The following RAPGEF2 variants were observed in gnomAD, a reference collection of about 807,000 sequenced individuals.
The protein encoded by RAPGEF2 is Rap guanine nucleotide exchange factor 2.
RAPGEF2 carries 54 observed loss-of-function variants against 186.7 expected under a neutral mutation model. The ratio of observed to expected loss-of-function variants is 0.29; its 90% CI spans 0.23 to 0.36. The LOEUF is 0.36. Ranked by LOEUF, RAPGEF2 falls within the 10% of genes least tolerant of loss-of-function variation. The probability of loss-of-function intolerance (pLI) is 1.00; values close to 1 mark genes in which losing one functional copy is unlikely to be tolerated. For missense variants in RAPGEF2, 1,532 were observed against 2,045.0 expected, an observed-to-expected ratio of 0.75 and a Z score of 4.84; for synonymous variants, 712 against 705.9, an observed-to-expected ratio of 1.01 and a Z score of -0.14.
chr4:159,118,890 A>G (rs1739356612), intron 1 of RAPGEF2, among the ~76,000 whole-genome samples: 3 of 152,112 alleles, frequency 2.0e-5, no homozygotes. Flanking sequence ...CGGCCCTATT[A>G]AAGTTCTTAA....
chr4:159,325,481 T>C (rs1486294249), intron 11 of RAPGEF2, among the ~76,000 whole-genome samples: 1 of 152,132 alleles, frequency 6.6e-6, no homozygotes, highest in Non-Finnish European at 1.5e-5. Context: ...AGCTAGCAAA[T>C]TGTTAAAGCC....
chr4:159,198,725 C>T (rs1433979683), intron 3 of RAPGEF2, among the ~76,000 whole-genome samples: 3 of 151,924 alleles, frequency 2.0e-5, no homozygotes, highest in African/African-American at 4.8e-5. Context: ...GGATTACAGG[C>T]GTGAGCCACT....
At chr4:159,310,988 A>ATTTTTTTTTTTTTTTTTTT (rs112605768) in intron 8 of RAPGEF2, among the ~76,000 whole-genome samples, 3 of 151,400 alleles carry the variant, frequency 2.0e-5, no homozygotes, top group African/African-American at 7.3e-5. Context: ...TTATATTTCA[A>ATTTTTTTTTTTTTTTTTTT]TTTTTTTTTA....
intron 3 of RAPGEF2, among the ~76,000 whole-genome samples, chr4:159,209,609 T>G (rs569675204): frequency 2.0e-5 from 3 of 152,362 alleles, no homozygotes; most frequent in Non-Finnish European, 4.4e-5. Flanking sequence ...CAGAAAAGCC[T>G]TCCACATAAA....
chr4:159,169,138 G>T lies in RAPGEF2; in HGVS notation c.70-17504G>T, dbSNP rs529271111. ...AATACTTTGAATTGACCAGTGAACT[G>T]CAAATGAAGGGAAAGGATAACATCT... On this transcript the variant is annotated intron_variant, in intron 1 of 29. Transcript: ENST00000691494. Among the ~76,000 whole-genome samples the T allele has an allele frequency of 3.9e-5, 6 of 152,124 alleles. No individual in the cohort carries two copies. The South Asian group carries it at 1.2e-3, about 32-fold the overall frequency.
intron 1 of RAPGEF2, among the ~76,000 whole-genome samples, chr4:159,138,070 A>G (rs544084449): frequency 2.0e-5 from 3 of 152,320 alleles, no homozygotes; most frequent in Admixed American, 1.3e-4. Flanking sequence ...GTTAATGAAT[A>G]TGGTTTAATT....
intron 11 of RAPGEF2, among the ~76,000 whole-genome samples, chr4:159,324,220 G>T (rs554312859): frequency 3.7e-4 from 56 of 151,400 alleles, no homozygotes; most frequent in Non-Finnish European, 4.3e-4. Flanking sequence ...TAGAGACGGG[G>T]TCTTGCCGTG....
intron 16 of RAPGEF2, 31 bp from the exon 17 acceptor site, chr4:159,332,420 T>A: frequency 6.3e-7 from 1 of 1,591,410 alleles, no homozygotes; most frequent in Non-Finnish European, 8.6e-7. Flanking sequence ...TAATTGCCAT[T>A]ACGTGGTGTT....
chr4:159,298,830 C>T (rs1183872057), intron 7 of RAPGEF2, among the ~76,000 whole-genome samples: 2 of 152,174 alleles, frequency 1.3e-5, no homozygotes, highest in African/African-American at 4.8e-5. Flanking sequence ...CTTGCAGAGT[C>T]TGGTCCGTGA....
At chr4:159,209,199 A>G (rs1380106682) in intron 3 of RAPGEF2, among the ~76,000 whole-genome samples, 1 of 151,916 alleles carries the variant, frequency 6.6e-6, no homozygotes, top group East Asian at 1.9e-4. Flanking sequence ...GCCAAAAAAA[A>G]AAAAAAAAAA....
chr4:159,115,436 A>G (rs575063549), intron 1 of RAPGEF2, among the ~76,000 whole-genome samples: 3 of 152,324 alleles, frequency 2.0e-5, no homozygotes, highest in South Asian at 4.1e-4. Context: ...GAAGTAACTA[A>G]TTGTATAAAA....
chr4:159,150,602 A>G lies in RAPGEF2; in HGVS notation c.70-36040A>G, dbSNP rs144196516. Among the ~76,000 whole-genome samples the G allele has an allele frequency of 4.8e-3, 733 of 152,326 alleles. 7 individuals are homozygous for G. The highest frequency in any genetic ancestry group is 0.016 in the African/African-American group (671 of 41,568). ...CCATGAAGAGAAACTTGTTTACTGT[A>G]TAAGAATTGAAACAGGAAGGCAGAG... On this transcript the variant is annotated intron_variant, in intron 1 of 29. Transcript: ENST00000691494.
Position 159,332,008 on chromosome 4 carries a change from C to G in RAPGEF2, c.1862C>G (p.Ser621Cys). 6.2e-7 allele frequency: 1 copy of G among 1,602,250 alleles called. No homozygotes were observed. Among genetic ancestry groups the G allele is most frequent in the Non-Finnish European group, 8.5e-7 (1 of 1,175,708 alleles). Residue 621 changes from serine (S) to cysteine (C), a missense_variant, in exon 16 of 30, where the codon TCT (serine) becomes TGT (cysteine). Ser to Cys is a moderately radical substitution (Grantham distance 112, BLOSUM62 -1). Transcript: ENST00000691494. ...ATTCTTAGAAATAACACACATTTAT[C>G]TATCACTGTGAAAACCAATTTATTT... The part of the protein sequence containing the change: ...MEILRNNTHL[S>C]ITVKTNLFVF...
intron 1 of RAPGEF2, among the ~76,000 whole-genome samples, chr4:159,114,892 C>G (rs1300596870): frequency 6.6e-6 from 1 of 152,018 alleles, no homozygotes. Context: ...TTTAAAAAGT[C>G]TAGTCAGAGG....
chr4:159,191,636 G>A (rs148734627), intron 2 of RAPGEF2, among the ~76,000 whole-genome samples: 4,271 of 152,250 alleles, frequency 0.028, 197 homozygotes, highest in African/African-American at 0.098. Context: ...CCACTTGGGA[G>A]GCTGAGGCAG....
In RAPGEF2 at chr4:159,352,872, G is replaced by C. The variant is rs752914355; in HGVS notation, c.4053G>C (p.Glu1351Asp). 2 of 1,614,218 alleles carry C rather than the reference G, an allele frequency of 1.2e-6. No homozygotes were observed. The highest frequency in any genetic ancestry group is 1.1e-5 in the South Asian group (1 of 91,074). ...CAAACCTAGGGATGGGCAGGATGGAGAGGCGGACCATGATTGAACCTGATC... is the reference window on the plus strand; with the variant it reads ...CAAACCTAGGGATGGGCAGGATGGACAGGCGGACCATGATTGAACCTGATC... ...VETNLGMGRM[E>D]RRTMIEPDQY... is the part of the protein sequence containing the mutation. The change falls in exon 27 of 30, where the codon GAG becomes GAC. Residue 1351 changes from glutamate (E) to aspartate (D), a missense_variant. Coordinates refer to ENST00000691494, the MANE Select transcript of RAPGEF2 (RefSeq NM_001394067.2).
intron 1 of RAPGEF2, among the ~76,000 whole-genome samples, chr4:159,172,173 G>T (rs1049757644): frequency 1.3e-5 from 2 of 152,030 alleles, no homozygotes; most frequent in African/African-American, 4.8e-5. Flanking sequence ...CCTACATTTG[G>T]AACCTTTTCA....
At chr4:159,285,505 A>C (rs1036866689) in intron 7 of RAPGEF2, among the ~76,000 whole-genome samples, 2 of 152,230 alleles carry the variant, frequency 1.3e-5, no homozygotes, top group African/African-American at 4.8e-5. Context: ...TTCATATTTC[A>C]CTTGAACTTT....
chr4:159,151,256 G>T (rs1743503336), intron 1 of RAPGEF2, among the ~76,000 whole-genome samples: 2 of 152,094 alleles, frequency 1.3e-5, no homozygotes, highest in African/African-American at 4.8e-5. Flanking sequence ...TCCCATGTGG[G>T]CTCATAGTTG....
Sources: gnomAD v4.1 joint callset for allele counts (sites outside exome capture counted in the v4.1 genomes callset) on GRCh38, gnomAD v4.1.1 for gene constraint, MANE v1.5 for transcripts, NCBI Gene and HGNC (gene_info 2026-07-23, HGNC 2026-07-21) for gene names.